Variants in HECW1 observed in about 807,000 individuals in gnomAD.
HECW1 encodes HECT, C2 and WW domain containing E3 ubiquitin protein ligase 1.
In HECW1, 61 loss-of-function variants were observed where a neutral mutation model predicts 182.3. That is an observed-to-expected ratio of 0.33 (90% CI 0.27 to 0.41). The LOEUF is 0.41. Among genes scored for constraint, HECW1 ranks in the 10% least tolerant of loss-of-function variants. HECW1 has a pLI of 1.00. For synonymous variants in HECW1, 859 were observed against 832.6 expected (o/e 1.03, Z -0.55); for missense variants, 1,739 against 2,108.9 (o/e 0.82, Z 3.44).
chr7:43,181,009 ACCT>A (rs1323299783), intron 2 of HECW1, among the ~76,000 whole-genome samples: 1 of 151,240 alleles, frequency 6.6e-6, no homozygotes, highest in Non-Finnish European at 1.5e-5. Context: ...CTCTCCCCTA[ACCT>A]CCTCAGCCTG....
At chr7:43,313,975 G>T (rs1251101070) in intron 4 of HECW1, among the ~76,000 whole-genome samples, 1 of 152,032 alleles carries the variant, frequency 6.6e-6, no homozygotes, top group East Asian at 1.9e-4. Context: ...TTTTGGTTTT[G>T]GTTTGTTTTT....
intron 3 of HECW1, among the ~76,000 whole-genome samples, chr7:43,272,477 A>G (rs534554817): frequency 6.6e-6 from 1 of 152,180 alleles, no homozygotes; most frequent in Non-Finnish European, 1.5e-5. Context: ...ACTTAATTGA[A>G]CAAGCAAAAA....
intron 29 of HECW1, among the ~76,000 whole-genome samples, chr7:43,558,488 G>A (rs112195403): frequency 5.7e-4 from 87 of 152,270 alleles, no homozygotes; most frequent in Non-Finnish European, 9.3e-4. Flanking sequence ...TGGGGAAGGC[G>A]ACTTTGCCCC....
At chr7:43,299,216 T>G (rs1806428248) in intron 3 of HECW1, among the ~76,000 whole-genome samples, 1 of 152,236 alleles carries the variant, frequency 6.6e-6, no homozygotes, top group South Asian at 2.1e-4. Context: ...CCAATTCAAC[T>G]GTTTATCTCA....
intron 11 of HECW1, among the ~76,000 whole-genome samples, chr7:43,446,154 T>TGTTG (rs1554420487): frequency 2.0e-5 from 3 of 151,714 alleles, no homozygotes; most frequent in Non-Finnish European, 4.4e-5. Flanking sequence ...TTGGTTTTGT[T>TGTTG]TTGTTGTTGT....
chr7:43,407,495 G>C, intron 7 of HECW1, 67 bp from the exon 8 acceptor site: 1 of 1,180,612 alleles, frequency 8.5e-7, no homozygotes. Flanking sequence ...TGAAAGGTGT[G>C]GTTACCAAAT....
intron 16 of HECW1, among the ~76,000 whole-genome samples, chr7:43,478,927 A>G (rs1026563230): frequency 2.6e-5 from 4 of 152,102 alleles, no homozygotes; most frequent in African/African-American, 9.7e-5. Flanking sequence ...TAGAAACTCC[A>G]TGTTTTATCT....
At position 43,407,262 on chromosome 7, in the gene HECW1, C is replaced by T. The variant is rs576991922; in HGVS notation, c.632-300C>T. ...TATTTCTGCCAATTCTCTCACCTTA[C>T]TCAGTGAGGCCCACATATATCGTGA... On this transcript the variant is annotated intron_variant, in intron 7 of 29. Coordinates refer to ENST00000395891, the MANE Select transcript of HECW1 (RefSeq NM_015052.5). Among the ~76,000 whole-genome samples, 20 of 152,268 alleles carry T rather than the reference C, an allele frequency of 1.3e-4. No homozygotes were observed. In the South Asian group the frequency reaches 3.1e-3, roughly 24 times the overall value.
chr7:43,394,593 A>T (rs2075161716), intron 6 of HECW1, among the ~76,000 whole-genome samples: 1 of 152,194 alleles, frequency 6.6e-6, no homozygotes, highest in Admixed American at 6.5e-5. Context: ...AGTCTAAGGA[A>T]CTAAGGAAGA....
chr7:43,278,558 C>T (rs1418263996), intron 3 of HECW1, among the ~76,000 whole-genome samples: 3 of 152,132 alleles, frequency 2.0e-5, no homozygotes, highest in Admixed American at 1.3e-4. Flanking sequence ...TCAGATGGCT[C>T]CCAGAGCCCC....
chr7:43,522,996 G>C (rs1366592491), intron 24 of HECW1: 3 of 438,540 alleles, frequency 6.8e-6, no homozygotes, highest in Non-Finnish European at 1.4e-5. Context: ...AGGTAGTTCT[G>C]CTTGTTTGTT....
chr7:43,175,020 C>T lies in HECW1; in HGVS notation c.-32+60629C>T, dbSNP rs77337599. Among the ~76,000 whole-genome samples the T allele has an allele frequency of 1.7e-3, 258 of 151,938 alleles. 2 individuals are homozygous for T. The highest frequency in any genetic ancestry group is 5.9e-3 in the African/African-American group (244 of 41,240). On this transcript the variant is annotated intron_variant, in intron 2 of 29. Coordinates refer to ENST00000395891, the MANE Select transcript of HECW1 (RefSeq NM_015052.5). ...CCCAAACTCAAGGATTAGAACAGCT[C>T]GAGGTACCTATGGGCTCCCCAATCC... is the stretch of plus-strand genomic sequence containing the variant.
chr7:43,327,285 G>A (rs771727104), intron 5 of HECW1, among the ~76,000 whole-genome samples: 2 of 152,096 alleles, frequency 1.3e-5, no homozygotes, highest in Non-Finnish European at 2.9e-5. Flanking sequence ...AAGATAATAG[G>A]CGTATTTATA....
At chr7:43,350,735 C>A (rs1044824483) in intron 5 of HECW1, among the ~76,000 whole-genome samples, 1 of 152,188 alleles carries the variant, frequency 6.6e-6, no homozygotes, top group East Asian at 1.9e-4. Context: ...TTTCTTTAAG[C>A]TATCTATTTC....
chr7:43,193,343 C>T (rs796540653), intron 2 of HECW1, among the ~76,000 whole-genome samples: 9 of 152,226 alleles, frequency 5.9e-5, no homozygotes, highest in African/African-American at 1.9e-4. Context: ...GCCCTTTTCC[C>T]AAAATATTAT....
At position 43,561,600 on chromosome 7, in the gene HECW1, G is replaced by A. The variant is rs368339794; in HGVS notation, c.4710-215G>A. ...TAGTGTAGTTGGTTTGCTTGCAAAT[G>A]CAAACAACCCATTTTTAGTTATTCC... On this transcript the variant is annotated intron_variant, in intron 29 of 29. Coordinates refer to ENST00000395891, the MANE Select transcript of HECW1 (RefSeq NM_015052.5). 3.0e-3 allele frequency among the ~76,000 whole-genome samples: 455 copies of A among 152,318 alleles called. 3 individuals are homozygous for A. The highest frequency in any genetic ancestry group is 0.011 in the African/African-American group (437 of 41,568).
intron 3 of HECW1, among the ~76,000 whole-genome samples, chr7:43,282,856 G>A (rs1344108884): frequency 4.6e-5 from 7 of 152,048 alleles, no homozygotes; most frequent in African/African-American, 1.4e-4. Flanking sequence ...GGTGGCTCAC[G>A]ACTGTAATAC....
At chr7:43,537,796 T>A (rs201409706) in intron 24 of HECW1, among the ~76,000 whole-genome samples, 91 of 152,168 alleles carry the variant, frequency 6.0e-4, no homozygotes, top group Middle Eastern at 3.4e-3. Context: ...TTATTTTTTT[T>A]AAAAAAGCTA....
At chr7:43,322,630 C>G (rs1208228825) in intron 5 of HECW1, among the ~76,000 whole-genome samples, 1 of 152,186 alleles carries the variant, frequency 6.6e-6, no homozygotes, top group Non-Finnish European at 1.5e-5. Flanking sequence ...CAAATAGCAT[C>G]ATTCAGCATA....
Sources: allele counts gnomAD v4.1 joint callset (sites outside exome capture counted in the v4.1 genomes callset), GRCh38; gene constraint gnomAD v4.1.1; transcripts MANE v1.5; gene names NCBI Gene and HGNC (gene_info 2026-07-23, HGNC 2026-07-21).